Variants in COL25A1 observed in about 807,000 individuals in gnomAD.
The protein encoded by COL25A1 is collagen type XXV alpha 1 chain.
Under a neutral mutation model 128.4 loss-of-function variants are expected in COL25A1, and 103 were observed. The observed-to-expected ratio is 0.80, with a 90% confidence interval of 0.68 to 0.94. The LOEUF (loss-of-function observed/expected upper bound fraction) is 0.94, where lower values mean the gene tolerates loss of function less well. COL25A1 is among the 40% of genes least tolerant of loss of function. The pLI is 0.00. For synonymous variants in COL25A1, 279 were observed against 277.2 expected (o/e 1.01, Z -0.06); for missense variants, 745 against 840.0 (o/e 0.89, Z 1.40).
At chr4:109,111,833 C>T (rs1767052685) in intron 3 of COL25A1, among the ~76,000 whole-genome samples, 1 of 152,092 alleles carries the variant, frequency 6.6e-6, no homozygotes, top group African/African-American at 2.4e-5. Context: ...GTTATATCCA[C>T]AATACCAGAC....
chr4:109,076,694 A>T (rs1237240198), intron 3 of COL25A1, among the ~76,000 whole-genome samples: 1 of 152,026 alleles, frequency 6.6e-6, no homozygotes, highest in African/African-American at 2.4e-5. Context: ...ACAACTCGCC[A>T]TAATGTAGAA....
intron 19 of COL25A1, among the ~76,000 whole-genome samples, chr4:108,873,365 T>C (rs1437596225): frequency 2.0e-5 from 3 of 152,218 alleles, no homozygotes; most frequent in Non-Finnish European, 4.4e-5. Context: ...GGAGTCTTAA[T>C]AGAGGATTCT....
At chr4:109,185,189 A>G (rs1314248228) in intron 3 of COL25A1, among the ~76,000 whole-genome samples, 3 of 152,198 alleles carry the variant, frequency 2.0e-5, no homozygotes, top group Non-Finnish European at 4.4e-5. Context: ...AATTATTCAT[A>G]AGGCAGTCAA....
At chr4:108,886,491 TG>T (rs61195097) in intron 18 of COL25A1, among the ~76,000 whole-genome samples, 1,600 of 85,286 alleles carry the variant, frequency 0.019, 103 homozygotes, top group African/African-American at 0.062. Context: ...TGTGTGTGTG[TG>T]TTTAGCTCAT....
chr4:108,853,166 CA>C (rs1736000009), intron 24 of COL25A1, among the ~76,000 whole-genome samples: 1 of 151,916 alleles, frequency 6.6e-6, no homozygotes, highest in South Asian at 2.1e-4. Context: ...AAAGAAATGT[CA>C]AAATTTTAAT....
intron 22 of COL25A1, among the ~76,000 whole-genome samples, chr4:108,861,236 A>C (rs1157163746): frequency 6.6e-6 from 1 of 152,250 alleles, no homozygotes; most frequent in Non-Finnish European, 1.5e-5. Flanking sequence ...ACTAGGTAGG[A>C]TCTGCAAAGG....
intron 11 of COL25A1, among the ~76,000 whole-genome samples, chr4:108,924,282 T>A (rs1422633631): frequency 1.3e-5 from 2 of 152,268 alleles, no homozygotes; most frequent in Middle Eastern, 3.4e-3. Context: ...TCAGAAAACA[T>A]CATGGAAAGT....
intron 3 of COL25A1, among the ~76,000 whole-genome samples, chr4:109,182,759 T>C (rs1217478023): frequency 6.6e-6 from 1 of 152,112 alleles, no homozygotes; most frequent in Admixed American, 6.6e-5. Flanking sequence ...TGAGGTCACA[T>C]CACAAGACCA....
chr4:108,922,605 G>T (rs1476450211), intron 11 of COL25A1, among the ~76,000 whole-genome samples: 1 of 151,930 alleles, frequency 6.6e-6, no homozygotes, highest in Non-Finnish European at 1.5e-5. Flanking sequence ...TTCTAATTTG[G>T]TCTGTTGCAT....
intron 11 of COL25A1, among the ~76,000 whole-genome samples, chr4:108,930,131 G>A (rs1024753927): frequency 2.0e-5 from 3 of 152,058 alleles, no homozygotes; most frequent in Admixed American, 2.0e-4. Flanking sequence ...ATGCATGTGT[G>A]AGGTTTCCTC....
chr4:108,834,537 C>T (rs1733548197), intron 31 of COL25A1: 1 of 605,214 alleles, frequency 1.7e-6, no homozygotes, highest in Non-Finnish European at 2.9e-6. Context: ...CACATTGCTA[C>T]AAATTGTTAG....
At chr4:109,291,211 GGTAGA>G (rs2126284993) in intron 3 of COL25A1, among the ~76,000 whole-genome samples, 1 of 152,158 alleles carries the variant, frequency 6.6e-6, no homozygotes, top group South Asian at 2.1e-4. Context: ...TTCAATGCGA[GGTAGA>G]GTATTGTCTT....
At chr4:109,273,472 T>C (rs1782335483) in intron 3 of COL25A1, among the ~76,000 whole-genome samples, 1 of 152,184 alleles carries the variant, frequency 6.6e-6, no homozygotes, top group Admixed American at 6.5e-5. Context: ...TAATCGTTAA[T>C]ACACAGAAAA....
chr4:109,265,233 T>C (rs1414100397), intron 3 of COL25A1, among the ~76,000 whole-genome samples: 3 of 152,196 alleles, frequency 2.0e-5, no homozygotes, highest in Non-Finnish European at 4.4e-5. Context: ...TCTCCTATTC[T>C]ATTAACCTAT....
At chr4:109,106,015 T>C (rs1042175774) in intron 3 of COL25A1, among the ~76,000 whole-genome samples, 1 of 152,208 alleles carries the variant, frequency 6.6e-6, no homozygotes, top group African/African-American at 2.4e-5. Flanking sequence ...CCATCCTCTA[T>C]TACATTTAGT....
chr4:109,047,728 C>CCTTTTTTT lies in COL25A1; in HGVS notation c.420+439_420+440insAAAAAAAG. 1.5e-5 allele frequency among the ~76,000 whole-genome samples: 2 copies of CCTTTTTTT among 132,194 alleles called. 1 individual carries two copies. Among genetic ancestry groups the CCTTTTTTT allele is most frequent in the African/African-American group, 5.4e-5 (2 of 37,224 alleles). 86.7% of individuals were successfully genotyped at this position (132,194 alleles called of 152,430 possible). Reference sequence around the variant, plus strand: ...TAATTTTCCAAACTTTAAGTATACTCTTTTTTTTTTTTTTTTTTTTTTTAG... The same window carrying CCTTTTTTT: ...TAATTTTCCAAACTTTAAGTATACTCCTTTTTTTTTTTTTTTTTTTTTTTTTTTTTTAG... On this transcript the variant is annotated intron_variant, in intron 5 of 37. Coordinates refer to ENST00000399132, the MANE Select transcript of COL25A1 (RefSeq NM_198721.4).
In COL25A1 at chr4:108,967,852, C is replaced by T. The variant is rs116550783; in HGVS notation, c.492+6515G>A. Among the ~76,000 whole-genome samples the T allele has an allele frequency of 7.3e-3, 1,118 of 152,248 alleles. 12 individuals are homozygous for T. Among genetic ancestry groups the T allele is most frequent in the African/African-American group, 0.025 (1,046 of 41,540 alleles). The stretch of plus-strand genomic sequence containing the variant: ...ACTTCCTTTCAGCAGGTTGTGTAAT[C>T]TCTACTTAAATACAAGGTAAAGTCA... On this transcript the variant is annotated intron_variant, in intron 8 of 37. Transcript: ENST00000399132.
intron 3 of COL25A1, among the ~76,000 whole-genome samples, chr4:109,246,114 G>A (rs1479604941): frequency 6.7e-6 from 1 of 150,144 alleles, no homozygotes; most frequent in East Asian, 1.9e-4. Flanking sequence ...AAAGACTTAA[G>A]CATGAAAATA....
intron 5 of COL25A1, among the ~76,000 whole-genome samples, chr4:109,026,640 C>T (rs1758321300): frequency 6.6e-6 from 1 of 152,160 alleles, no homozygotes; most frequent in African/African-American, 2.4e-5. Context: ...CCCAAGTAGA[C>T]ACCTCTTTTT....
Sources: gnomAD v4.1 joint callset for allele counts (sites outside exome capture counted in the v4.1 genomes callset) on GRCh38, gnomAD v4.1.1 for gene constraint, MANE v1.5 for transcripts, NCBI Gene and HGNC (gene_info 2026-07-23, HGNC 2026-07-21) for gene names.